Variants in PLEKHA7 observed in about 807,000 individuals in gnomAD.
The protein encoded by PLEKHA7 is pleckstrin homology domain-containing family A member 7.
Under a neutral mutation model 170.0 loss-of-function variants are expected in PLEKHA7, and 104 were observed. The observed-to-expected ratio is 0.61, with a 90% CI of 0.52 to 0.72. The LOEUF (loss-of-function observed/expected upper bound fraction) is 0.72, where lower values mean the gene tolerates loss of function less well. PLEKHA7 is among the 30% of genes least tolerant of loss of function. The pLI, the probability that PLEKHA7 is intolerant of heterozygous loss-of-function variation, is 0.00. For missense variants in PLEKHA7, 1,615 were observed against 1,671.7 expected, an observed-to-expected ratio of 0.97 and a Z score of 0.59; for synonymous variants, 648 against 660.8, an observed-to-expected ratio of 0.98 and a Z score of 0.30.
At chr11:16,889,559 G>A (rs187450128) in intron 3 of PLEKHA7, among the ~76,000 whole-genome samples, 51 of 150,840 alleles carry the variant, frequency 3.4e-4, no homozygotes, top group African/African-American at 1.0e-3. Flanking sequence ...CTGTGATCAC[G>A]TCACTGCACT....
intron 3 of PLEKHA7, among the ~76,000 whole-genome samples, chr11:16,898,654 T>C (rs947900864): frequency 6.6e-6 from 1 of 152,212 alleles, no homozygotes; most frequent in African/African-American, 2.4e-5. Flanking sequence ...CTGAAAGAAT[T>C]AAGAAGGCCT....
intron 3 of PLEKHA7, among the ~76,000 whole-genome samples, chr11:16,943,129 G>A (rs1182762189): frequency 6.6e-6 from 1 of 152,078 alleles, no homozygotes; most frequent in Admixed American, 6.6e-5. Flanking sequence ...AGCCACATAC[G>A]CAATTTCGAA....
In PLEKHA7 at chr11:16,908,566, G is replaced by A. The variant is rs549817114; in HGVS notation, c.222-37384C>T. ...GCTGGAGTGCAGTGGCGCAAACTCGGCTCACTGAAACCTCTGCTTCTGGGG... is the reference window on the plus strand; with the variant it reads ...GCTGGAGTGCAGTGGCGCAAACTCGACTCACTGAAACCTCTGCTTCTGGGG... On this transcript the variant is annotated intron_variant, in intron 3 of 26. Coordinates refer to ENST00000531066, the MANE Select transcript of PLEKHA7 (RefSeq NM_001329630.2). Among the ~76,000 whole-genome samples, 3 of 152,082 alleles carry A rather than the reference G, an allele frequency of 2.0e-5. No homozygotes were observed. In the South Asian group the frequency reaches 6.2e-4, roughly 32 times the overall value.
chr11:17,005,571 G>C (rs1184759771), intron 3 of PLEKHA7, among the ~76,000 whole-genome samples: 1 of 151,922 alleles, frequency 6.6e-6, no homozygotes, highest in Middle Eastern at 3.2e-3. Context: ...AATGGAGAGG[G>C]TGCCATCAAG....
At chr11:16,893,480 A>C (rs1417827444) in intron 3 of PLEKHA7, among the ~76,000 whole-genome samples, 1 of 152,112 alleles carries the variant, frequency 6.6e-6, no homozygotes, top group Non-Finnish European at 1.5e-5. Flanking sequence ...CTGCAACTAA[A>C]TGTTACTGGA....
intron 3 of PLEKHA7, among the ~76,000 whole-genome samples, chr11:16,960,861 CA>C (rs1291333199): frequency 6.6e-6 from 1 of 152,152 alleles, no homozygotes; most frequent in Non-Finnish European, 1.5e-5. Flanking sequence ...CCGAGGCACA[CA>C]GGGGGCTGGC....
intron 4 of PLEKHA7, among the ~76,000 whole-genome samples, chr11:16,861,286 G>A (rs1853923632): frequency 6.6e-6 from 1 of 151,962 alleles, no homozygotes; most frequent in South Asian, 2.1e-4. Flanking sequence ...AGCACTTTGG[G>A]AGGCTGAGGC....
chr11:16,821,307 C>T (rs11828720), intron 10 of PLEKHA7, among the ~76,000 whole-genome samples: 1,653 of 152,308 alleles, frequency 0.011, 22 homozygotes, highest in African/African-American at 0.036. Context: ...CTATCCCTCA[C>T]CCCAACATTT....
At chr11:16,978,536 T>C (rs1353257938) in intron 3 of PLEKHA7, among the ~76,000 whole-genome samples, 1 of 152,250 alleles carries the variant, frequency 6.6e-6, no homozygotes, top group African/African-American at 2.4e-5. Context: ...CATTCTTTCA[T>C]TTGATGTACA....
chr11:16,999,054 C>T (rs1187788168), intron 3 of PLEKHA7, among the ~76,000 whole-genome samples: 1 of 152,108 alleles, frequency 6.6e-6, no homozygotes, highest in Non-Finnish European at 1.5e-5. Context: ...ACCTATTTGG[C>T]TGAGCACTGT....
At chr11:16,805,198 A>G (rs1034572075) in intron 13 of PLEKHA7, among the ~76,000 whole-genome samples, 2 of 152,154 alleles carry the variant, frequency 1.3e-5, no homozygotes, top group African/African-American at 4.8e-5. Flanking sequence ...TATTTCACTG[A>G]AGCTTTTTAC....
chr11:16,951,538 A>G (rs998950806), intron 3 of PLEKHA7, among the ~76,000 whole-genome samples: 2 of 152,136 alleles, frequency 1.3e-5, no homozygotes, highest in African/African-American at 4.8e-5. Context: ...CCCAGAGATG[A>G]TAAGTAAAAG....
At chr11:16,962,516 A>G (rs923410813) in intron 3 of PLEKHA7, among the ~76,000 whole-genome samples, 5 of 152,184 alleles carry the variant, frequency 3.3e-5, no homozygotes, top group Admixed American at 6.5e-5. Flanking sequence ...GCTGGAGTGT[A>G]GCAGTATGAT....
In PLEKHA7 at chr11:16,841,667, T is replaced by A. The variant is rs768149233; in HGVS notation, c.752A>T (p.Gln251Leu). 38 of 1,614,174 alleles carry A rather than the reference T, an allele frequency of 2.4e-5. No homozygotes were observed. Among genetic ancestry groups the A allele is most frequent in the Non-Finnish European group, 3.2e-5 (38 of 1,180,028 alleles). The part of the protein sequence containing the change: ...LIYNSSTAGS[Q>L]AEQSGMRTYY... The stretch of plus-strand genomic sequence containing the variant: ...GGTCCTCATGCCTGACTGCTCGGCC[T>A]GAGAGCCCGCTGTGGAGCTGTTATA... The change falls in exon 9 of 27, where the codon CAG becomes CTG. Residue 251 changes from glutamine to leucine, a missense_variant. Physicochemically the swap from Gln to Leu is moderately radical, Grantham distance 113. Transcript: ENST00000531066.
At chr11:16,980,706 T>C (rs1863373021) in intron 3 of PLEKHA7, among the ~76,000 whole-genome samples, 1 of 152,012 alleles carries the variant, frequency 6.6e-6, no homozygotes, top group Non-Finnish European at 1.5e-5. Context: ...ATGGATCACC[T>C]GAGGTCAAGA....
chr11:16,794,495 G>C lies in PLEKHA7; in HGVS notation c.2738C>G (p.Pro913Arg). The change falls in exon 19 of 27, where the codon CCC becomes CGC. Residue 913 changes from proline to arginine, a missense_variant. Physicochemically the swap from Pro to Arg is moderately radical, Grantham distance 103. Transcript: ENST00000531066. ...SPLQSPTKAKPKVEDEAPPRP... is the reference protein window; with the variant it reads ...SPLQSPTKAKRKVEDEAPPRP... The stretch of plus-strand genomic sequence containing the variant: ...CTAGTTATCACTACTTACAACTTTG[G>C]GCTTCGCCTTAGTTGGTGACTGAAG... 6.2e-7 allele frequency: 1 copy of C among 1,613,482 alleles called. No homozygotes were observed. Among genetic ancestry groups the C allele is most frequent in the African/African-American group, 1.3e-5 (1 of 74,970 alleles).
chr11:16,785,870 C>T (rs78181642), intron 24 of PLEKHA7, among the ~76,000 whole-genome samples: 11,430 of 152,272 alleles, frequency 0.075, 580 homozygotes, highest in Non-Finnish European at 0.1. Context: ...TTGCAGGGAA[C>T]ATTTCCTAAC....
At position 16,816,208 on chromosome 11, in the gene PLEKHA7, G is replaced by A. The variant is rs770404625; in HGVS notation, c.1923C>T (p.Thr641=). Residue 641 remains threonine, a synonymous_variant, in exon 12 of 27, where the codon ACC becomes ACT. Coordinates refer to ENST00000531066, the MANE Select transcript of PLEKHA7 (RefSeq NM_001329630.2). ...SMPSMGYMTH[T]VSAPSLHGKS... ...TTCCATGTAAACTGGGAGCGCTGAC[G>A]GTGTGGGTCATGTAACCCATGGAGG... 21 of 1,613,734 alleles carry A rather than the reference G, an allele frequency of 1.3e-5. No homozygotes were observed. Among genetic ancestry groups the A allele is most frequent in the East Asian group, 6.7e-5 (3 of 44,894 alleles).
intron 3 of PLEKHA7, among the ~76,000 whole-genome samples, chr11:16,986,703 G>A (rs1863746967): frequency 6.6e-6 from 1 of 152,128 alleles, no homozygotes; most frequent in African/African-American, 2.4e-5. Context: ...AGTAACCTTG[G>A]GCAGGTGACT....
Sources: allele counts gnomAD v4.1 joint callset (sites outside exome capture counted in the v4.1 genomes callset), GRCh38; gene constraint gnomAD v4.1.1; transcripts MANE v1.5; gene names NCBI Gene and HGNC (gene_info 2026-07-23, HGNC 2026-07-21).